The following WDFY3 variants were observed in gnomAD, a reference collection of about 807,000 sequenced individuals.
WDFY3 encodes the protein WD repeat and FYVE domain-containing protein 3.
Under a neutral mutation model 409.6 loss-of-function variants are expected in WDFY3, and 66 were observed. The ratio of observed to expected loss-of-function variants is 0.16; its 90% CI spans 0.13 to 0.20. WDFY3 has a LOEUF of 0.20. Ranked by LOEUF, WDFY3 falls within the 10% of genes least tolerant of loss-of-function variation. The probability of loss-of-function intolerance (pLI) is 1.00; values close to 1 mark genes in which losing one functional copy is unlikely to be tolerated. For missense variants in WDFY3, 3,031 were observed against 4,298.1 expected, an observed-to-expected ratio of 0.71 and a Z score of 8.24; for synonymous variants, 1,521 against 1,537.1, an observed-to-expected ratio of 0.99 and a Z score of 0.25.
In WDFY3 at chr4:84,686,626, C is replaced by T. The variant is rs151293888; in HGVS notation, c.9543+1460G>A. On this transcript the variant is annotated intron_variant, in intron 62 of 67. Coordinates refer to ENST00000295888, the MANE Select transcript of WDFY3 (RefSeq NM_014991.6). Reference sequence around the variant, plus strand: ...ACTCAATGACATGGCTAGAACTGTTCTGTGTCATGAAGGATGGCCCTGTGG... The same window carrying T: ...ACTCAATGACATGGCTAGAACTGTTTTGTGTCATGAAGGATGGCCCTGTGG... 3.6e-4 allele frequency among the ~76,000 whole-genome samples: 55 copies of T among 152,188 alleles called. 1 individual carries two copies. Among genetic ancestry groups the T allele is most frequent in the African/African-American group, 1.1e-3 (46 of 41,522 alleles).
rs147931855 is a variant in WDFY3 at position 84,792,370 on chromosome 4, T to C, written c.3487+2149A>G. 4.5e-3 allele frequency among the ~76,000 whole-genome samples: 681 copies of C among 152,306 alleles called. 5 individuals are homozygous for C. The highest frequency in any genetic ancestry group is 0.015 in the African/African-American group (636 of 41,570). Reference sequence around the variant, plus strand: ...GGAGGTGAAAGTAAATATGAACATATGGGTGAAACAAGGAACTTGTCCCTC... The same window carrying C: ...GGAGGTGAAAGTAAATATGAACATACGGGTGAAACAAGGAACTTGTCCCTC... On this transcript the variant is annotated intron_variant, in intron 21 of 67. Coordinates refer to ENST00000295888, the MANE Select transcript of WDFY3 (RefSeq NM_014991.6).
At chr4:84,696,487 T>C (rs914485322) in intron 57 of WDFY3, among the ~76,000 whole-genome samples, 4 of 152,174 alleles carry the variant, frequency 2.6e-5, no homozygotes, top group African/African-American at 9.7e-5. Context: ...GCCTAATATA[T>C]AAATTAACCT....
chr4:84,716,784 G>C, intron 49 of WDFY3, 112 bp downstream of exon 49: 1 of 917,274 alleles, frequency 1.1e-6, no homozygotes, highest in Non-Finnish European at 1.4e-6. Context: ...GGGCGACAGA[G>C]TGAGACTCTG....
intron 3 of WDFY3, among the ~76,000 whole-genome samples, chr4:84,883,909 T>G (rs1287021081): frequency 6.6e-6 from 1 of 152,074 alleles, no homozygotes; most frequent in Non-Finnish European, 1.5e-5. Context: ...TAACTACCCC[T>G]AAAAAGCAGA....
At chr4:84,710,971 A>G (rs1243625168) in intron 51 of WDFY3, among the ~76,000 whole-genome samples, 1 of 152,250 alleles carries the variant, frequency 6.6e-6, no homozygotes, top group Non-Finnish European at 1.5e-5. Flanking sequence ...TGGCTATAGA[A>G]AAATAAAAAC....
chr4:84,802,962 T>G (rs1042915311), intron 16 of WDFY3, among the ~76,000 whole-genome samples: 5 of 152,206 alleles, frequency 3.3e-5, no homozygotes, highest in African/African-American at 1.2e-4. Context: ...AGCCTCAATG[T>G]AGTATCTTCA....
At chr4:84,751,387 G>A in intron 36 of WDFY3, 96 bp downstream of exon 36, 1 of 1,261,558 alleles carries the variant, frequency 7.9e-7, no homozygotes, top group Non-Finnish European at 1.1e-6. Flanking sequence ...TAAACAAGAG[G>A]AATTAGAAAT....
chr4:84,952,095 G>T (rs1185037764), intron 1 of WDFY3, among the ~76,000 whole-genome samples: 4 of 152,102 alleles, frequency 2.6e-5, no homozygotes, highest in African/African-American at 9.7e-5. Context: ...TCCCTGCCCT[G>T]CTCCAACCAC....
chr4:84,871,640 C>A (rs907548033), intron 3 of WDFY3, among the ~76,000 whole-genome samples: 3 of 147,710 alleles, frequency 2.0e-5, no homozygotes, highest in African/African-American at 7.5e-5. Context: ...TTTTTTTTTT[C>A]TTTTTTCTTT....
At chr4:84,719,686 C>G (rs1442596203) in intron 47 of WDFY3, among the ~76,000 whole-genome samples, 1 of 152,002 alleles carries the variant, frequency 6.6e-6, no homozygotes, top group Non-Finnish European at 1.5e-5. Flanking sequence ...TATATATAAA[C>G]ACATACATAT....
intron 58 of WDFY3, among the ~76,000 whole-genome samples, chr4:84,695,146 A>T (rs1729876164): frequency 6.6e-6 from 1 of 152,018 alleles, no homozygotes. Flanking sequence ...CCCTCCTGCC[A>T]TACCTCGGAC....
intron 4 of WDFY3, among the ~76,000 whole-genome samples, chr4:84,854,923 G>A (rs924874136): frequency 4.0e-5 from 6 of 151,878 alleles, no homozygotes; most frequent in African/African-American, 7.3e-5. Context: ...AACAAACAAC[G>A]ACAAAAAATT....
intron 63 of WDFY3, 35 bp downstream of exon 63, chr4:84,683,908 A>G: frequency 1.9e-6 from 3 of 1,544,970 alleles, no homozygotes; most frequent in Non-Finnish European, 2.6e-6. Context: ...TAGGATGACA[A>G]ATATCCTAAT....
Position 84,787,721 on chromosome 4 carries a change from G to C in WDFY3, c.3670-8C>G. On this transcript the variant is annotated splice_polypyrimidine_tract_variant and splice_region_variant and intron_variant, in intron 22 of 67. Coordinates refer to ENST00000295888, the MANE Select transcript of WDFY3 (RefSeq NM_014991.6). ...ACTGTGGACATAATGAAGCTGTAAG[G>C]AAGACAAAAGCAAATGTGTGAGATG... 1 of 1,598,754 alleles carries C rather than the reference G, an allele frequency of 6.3e-7. No individual in the cohort carries two copies. Among genetic ancestry groups the C allele is most frequent in the Non-Finnish European group, 8.6e-7 (1 of 1,167,296 alleles).
chr4:84,829,886 T>G (rs1437728793), intron 8 of WDFY3, among the ~76,000 whole-genome samples: 1 of 150,908 alleles, frequency 6.6e-6, no homozygotes, highest in African/African-American at 2.4e-5. Flanking sequence ...ACAGAAATAC[T>G]TTAGGAAATA....
chr4:84,830,537 A>T (rs1223385994), intron 8 of WDFY3, among the ~76,000 whole-genome samples: 1 of 152,240 alleles, frequency 6.6e-6, no homozygotes, highest in Non-Finnish European at 1.5e-5. Flanking sequence ...TTATTGGGAC[A>T]TAACCCCACC....
Position 84,670,929 on chromosome 4 carries a change from TTTAAA to T in WDFY3, c.*1934_*1938del, listed in dbSNP as rs1476371436. 3 of 152,628 alleles carry T rather than the reference TTTAAA, an allele frequency of 2.0e-5. No individual in the cohort carries two copies. Among genetic ancestry groups the T allele is most frequent in the Non-Finnish European group, 2.9e-5 (2 of 68,016 alleles). The allele number at this position is 152,628 out of a possible 1,614,324, so 9.5% of individuals were successfully genotyped here. A position where few individuals can be genotyped will look rare whatever the true frequency, so the allele number is the denominator to read the frequency against. ...AAAGGAAAACAGAACACAACTTTTC[TTTAAA>T]TTAAAGTATTAATGCCGATAATCCT... On this transcript the variant is annotated 3_prime_UTR_variant, in exon 68 of 68. Coordinates refer to ENST00000295888, the MANE Select transcript of WDFY3 (RefSeq NM_014991.6).
intron 5 of WDFY3, among the ~76,000 whole-genome samples, chr4:84,845,952 T>G (rs1000791757): frequency 6.6e-6 from 1 of 150,782 alleles, no homozygotes; most frequent in Admixed American, 6.6e-5. Context: ...CAGTAAAAAT[T>G]TAGGTGCTAT....
chr4:84,722,702 A>ATTTGG (rs1735038569), intron 46 of WDFY3, among the ~76,000 whole-genome samples: 2 of 152,220 alleles, frequency 1.3e-5, no homozygotes, highest in Non-Finnish European at 2.9e-5. Flanking sequence ...ATGCCAAATC[A>ATTTGG]CACATTTTGA....
Sources: allele counts gnomAD v4.1 joint callset (sites outside exome capture counted in the v4.1 genomes callset), GRCh38; gene constraint gnomAD v4.1.1; transcripts MANE v1.5; gene names NCBI Gene and HGNC (gene_info 2026-07-23, HGNC 2026-07-21).